Variants in DTD1 observed in about 807,000 individuals in gnomAD.
DTD1 encodes the protein D-aminoacyl-tRNA deacylase 1.
In DTD1, 13 loss-of-function variants were observed where a neutral mutation model predicts 25.6. The observed-to-expected ratio is 0.51, with a 90% CI of 0.33 to 0.81. DTD1 has a LOEUF of 0.81. DTD1 is among the 30% of genes least tolerant of loss of function. The pLI is 0.02. For missense variants in DTD1, 193 were observed against 266.4 expected, an observed-to-expected ratio of 0.72 and a Z score of 1.92; for synonymous variants, 110 against 103.6, an observed-to-expected ratio of 1.06 and a Z score of -0.37.
intron 4 of DTD1, among the ~76,000 whole-genome samples, chr20:18,648,995 CAAAAAA>C (rs57780175): frequency 1.6e-4 from 9 of 56,276 alleles, no homozygotes; most frequent in South Asian, 9.6e-4. Context: ...GACTCCATCT[CAAAAAA>C]AAAAAAAAAA....
chr20:18,614,352 T>C (rs1157899450), intron 3 of DTD1, among the ~76,000 whole-genome samples: 1 of 152,094 alleles, frequency 6.6e-6, no homozygotes, highest in African/African-American at 2.4e-5. Flanking sequence ...ATGCATTGTG[T>C]AAAAATGCAC....
intron 4 of DTD1, among the ~76,000 whole-genome samples, chr20:18,734,427 C>G (rs2061248742): frequency 1.3e-5 from 2 of 152,358 alleles, no homozygotes; most frequent in South Asian, 4.1e-4. Context: ...AAGTCTCCAT[C>G]ATTCTCATGA....
Position 18,628,179 on chromosome 20 carries a change from G to A in DTD1, c.423G>A (p.Val141=), listed in dbSNP as rs141540138. ...MQVHIQNDGP[V]TIELESPAPG... is the part of the protein sequence containing the mutation. ...TGCACATTCAGAATGATGGGCCTGTGACCATAGAGCTGGAATCGCCAGCTC... is the reference window on the plus strand; with the variant it reads ...TGCACATTCAGAATGATGGGCCTGTAACCATAGAGCTGGAATCGCCAGCTC... Residue 141 remains valine (V), a synonymous_variant, in exon 4 of 6, where the codon GTG becomes GTA. Coordinates refer to ENST00000377452, the MANE Select transcript of DTD1 (RefSeq NM_080820.6). The A allele has an allele frequency of 2.7e-4, 439 of 1,613,926 alleles. 5 individuals are homozygous for A. The African/African-American group carries it at 5.4e-3, about 20-fold the overall frequency.
intron 4 of DTD1, among the ~76,000 whole-genome samples, chr20:18,742,336 A>G (rs189540182): frequency 6.6e-6 from 1 of 152,258 alleles, no homozygotes; most frequent in East Asian, 1.9e-4. Flanking sequence ...ACAGCTTTTC[A>G]GGTAAATGGG....
chr20:18,762,199 T>C (rs905441234), intron 5 of DTD1, among the ~76,000 whole-genome samples: 4 of 152,194 alleles, frequency 2.6e-5, no homozygotes, highest in Non-Finnish European at 5.9e-5. Flanking sequence ...AGGAAGCACA[T>C]CCATGGAGGT....
In DTD1 at chr20:18,672,966, G is replaced by A. The variant is rs550366150; in HGVS notation, c.477+44733G>A. 7.2e-5 allele frequency among the ~76,000 whole-genome samples: 11 copies of A among 152,318 alleles called. No individual in the cohort carries two copies. The East Asian group carries it at 2.1e-3, about 29-fold the overall frequency. On this transcript the variant is annotated intron_variant, in intron 4 of 5. Coordinates refer to ENST00000377452, the MANE Select transcript of DTD1 (RefSeq NM_080820.6). The stretch of plus-strand genomic sequence containing the variant: ...AAAAGCGAGCGGGCCCTGTCGTCCA[G>A]CTGGGTTCTGCTTCATTCTATGCAT...
At chr20:18,608,057 A>G (rs920946682) in intron 3 of DTD1, among the ~76,000 whole-genome samples, 2 of 152,110 alleles carry the variant, frequency 1.3e-5, no homozygotes, top group Middle Eastern at 3.4e-3. Context: ...TGTACCTTTC[A>G]AGAAATTGGT....
At chr20:18,636,830 T>A (rs549199049) in intron 4 of DTD1, among the ~76,000 whole-genome samples, 9 of 152,274 alleles carry the variant, frequency 5.9e-5, no homozygotes, top group African/African-American at 1.7e-4. Flanking sequence ...ACACATTCTT[T>A]CTCTATCAAA....
intron 5 of DTD1, among the ~76,000 whole-genome samples, chr20:18,754,195 T>C (rs10485586): frequency 0.14 from 21,328 of 152,234 alleles, 1,841 homozygotes; most frequent in Non-Finnish European, 0.19. Flanking sequence ...AGTCAGTGTC[T>C]TTGAGGGTTT....
chr20:18,735,161 A>G (rs1270418959), intron 4 of DTD1, among the ~76,000 whole-genome samples: 2 of 152,274 alleles, frequency 1.3e-5, no homozygotes, highest in East Asian at 3.8e-4. Flanking sequence ...TAAAAATCAT[A>G]GTAACTGACT....
intron 4 of DTD1, among the ~76,000 whole-genome samples, chr20:18,722,877 T>C (rs2061209743): frequency 6.6e-6 from 1 of 152,010 alleles, no homozygotes; most frequent in Non-Finnish European, 1.5e-5. Context: ...TCTGTCAAAA[T>C]CTGAAAACAC....
chr20:18,714,560 G>T (rs1424185978), intron 4 of DTD1, among the ~76,000 whole-genome samples: 3 of 152,132 alleles, frequency 2.0e-5, no homozygotes, highest in African/African-American at 7.2e-5. Flanking sequence ...TCCTGTGCAC[G>T]TAGGCTTCTG....
chr20:18,698,210 A>G (rs2061087338), intron 4 of DTD1, among the ~76,000 whole-genome samples: 1 of 152,194 alleles, frequency 6.6e-6, no homozygotes, highest in African/African-American at 2.4e-5. Context: ...GTTCTGTATT[A>G]TTAACTTGAA....
intron 4 of DTD1, among the ~76,000 whole-genome samples, chr20:18,628,707 A>G (rs545827813): frequency 7.2e-5 from 11 of 152,350 alleles, no homozygotes; most frequent in African/African-American, 2.4e-4. Flanking sequence ...GTAAGCTCTC[A>G]TGAAATAAAA....
At chr20:18,633,531 G>A (rs539735442) in intron 4 of DTD1, among the ~76,000 whole-genome samples, 2 of 152,166 alleles carry the variant, frequency 1.3e-5, no homozygotes, top group Non-Finnish European at 2.9e-5. Flanking sequence ...GGTGTGTGTG[G>A]GTGGGAGGGG....
intron 4 of DTD1, among the ~76,000 whole-genome samples, chr20:18,690,016 C>T (rs1388067149): frequency 6.8e-6 from 1 of 146,516 alleles, no homozygotes; most frequent in Non-Finnish European, 1.5e-5. Flanking sequence ...TGTGTCTGTA[C>T]TCCCAGCTAC....
chr20:18,599,977 C>T (rs1180048630), intron 3 of DTD1, among the ~76,000 whole-genome samples: 1 of 152,126 alleles, frequency 6.6e-6, no homozygotes, highest in African/African-American at 2.4e-5. Context: ...TCAGATATGT[C>T]TTCTGTGAAT....
chr20:18,668,261 G>GT (rs2060939375), intron 4 of DTD1, among the ~76,000 whole-genome samples: 1 of 152,216 alleles, frequency 6.6e-6, no homozygotes. Context: ...GATAGCATGA[G>GT]TGCTGAGTGC....
At chr20:18,708,432 T>G (rs2061144716) in intron 4 of DTD1, among the ~76,000 whole-genome samples, 1 of 142,078 alleles carries the variant, frequency 7.0e-6, no homozygotes, top group Non-Finnish European at 1.5e-5. Context: ...CTCAGCTCAC[T>G]GCAACCTTCA....
Sources: allele counts gnomAD v4.1 joint callset (sites outside exome capture counted in the v4.1 genomes callset), GRCh38; gene constraint gnomAD v4.1.1; transcripts MANE v1.5; gene names NCBI Gene and HGNC (gene_info 2026-07-23, HGNC 2026-07-21).